ZDBF2: variants seen among roughly 807,000 people sequenced by gnomAD.
ZDBF2 encodes the protein zinc finger DBF-type containing 2, also known as DBF4-type zinc finger-containing protein 2.
Under a neutral mutation model 9.4 loss-of-function variants are expected in ZDBF2, and 6 were observed. The ratio of observed to expected loss-of-function variants is 0.64; its 90% CI spans 0.35 to 1.27. The LOEUF is 1.27. Ranked by LOEUF, ZDBF2 falls within the 50% of genes most tolerant of loss-of-function variation. The pLI, the probability that ZDBF2 is intolerant of heterozygous loss-of-function variation, is 0.03. For missense variants in ZDBF2, 2,697 were observed against 2,766.8 expected, an observed-to-expected ratio of 0.97 and a Z score of 0.57; for synonymous variants, 905 against 946.3, an observed-to-expected ratio of 0.96 and a Z score of 0.80.
rs561977833 is a variant in ZDBF2, at chr2:206,306,188, C to G, written c.1660C>G (p.Pro554Ala). 1.2e-6 allele frequency: 2 copies of G among 1,613,640 alleles called. No individual in the cohort carries two copies. Among genetic ancestry groups the G allele is most frequent in the East Asian group, 2.2e-5 (1 of 44,876 alleles). ...ACTGCAGTCAGTGGTTGACAGACCC[C>G]CAGTGGCTGTCACAGAAACAAAACT... ...FPLQSVVDRP[P>A]VAVTETKLRK... The change falls in exon 5 of 5, where the codon CCA becomes GCA. Residue 554 changes from proline (P) to alanine (A), a missense_variant. By Grantham distance (27) the Pro-to-Ala change is conservative. Transcript: ENST00000374423.
In ZDBF2 at chr2:206,310,899, ACT is replaced by A. The variant is rs759103346; in HGVS notation, c.6374_6375del (p.Ser2125PhefsTer14). ...TTTAATTCACATCAGGGAACCAGTGACTCTTCTCTGTTTCTGGAAGAATCAAA... is the reference window on the plus strand; with the variant it reads ...TTTAATTCACATCAGGGAACCAGTGACTTCTCTGTTTCTGGAAGAATCAAA... On this transcript the variant is annotated frameshift_variant, in exon 5 of 5. Transcript: ENST00000374423. LOFTEE classifies it low-confidence loss of function (END_TRUNC). 1 of 1,613,708 alleles carries A rather than the reference ACT, an allele frequency of 6.2e-7. No homozygotes were observed. Among genetic ancestry groups the A allele is most frequent in the South Asian group, 1.1e-5 (1 of 91,044 alleles).
At chr2:206,284,203 C>T (rs1020970414) in intron 3 of ZDBF2, among the ~76,000 whole-genome samples, 2 of 151,774 alleles carry the variant, frequency 1.3e-5, no homozygotes, top group Non-Finnish European at 2.9e-5. Context: ...AAAATTAAAT[C>T]TGTTTCATAG....
Position 206,305,288 on chromosome 2 carries a change from C to T in ZDBF2, c.760C>T (p.His254Tyr). The T allele has an allele frequency of 6.2e-7, 1 of 1,612,864 alleles. No individual in the cohort carries two copies. Among genetic ancestry groups the T allele is most frequent in the Non-Finnish European group, 8.5e-7 (1 of 1,179,482 alleles). ...AACTACTTCATTTTCGTATCAGAAA[C>T]ATAAAGAATCAAATAGGAAATCTTT... ...VETTSFSYQK[H>Y]KESNRKSLRM... The change falls in exon 5 of 5, where the codon CAT becomes TAT. Residue 254 changes from histidine (H) to tyrosine (Y), a missense_variant. Around this residue, in one of 3 missense-constraint regions of ZDBF2, gnomAD observed 910 missense variants for 973.6 expected, o/e 0.93. Coordinates refer to ENST00000374423, the MANE Select transcript of ZDBF2 (RefSeq NM_020923.3).
Position 206,310,329 on chromosome 2 carries a change from C to A in ZDBF2, c.5801C>A (p.Ala1934Asp), listed in dbSNP as rs1693092478. ...CCTCCTAAGCAAAAGGGGCGTGTGG[C>A]TTCTCAATGCCAGACAGCGAAAATC... ...ERPPKQKGRV[A>D]SQCQTAKISH... is the part of the protein sequence containing the mutation. Residue 1934 changes from alanine (A) to aspartate (D), a missense_variant, in exon 5 of 5, where the codon GCT becomes GAT. By Grantham distance (126) the Ala-to-Asp change is moderately radical. Transcript: ENST00000374423. The A allele has an allele frequency of 6.2e-7, 1 of 1,613,806 alleles. No individual in the cohort carries two copies.
chr2:206,289,433 G>T (rs1691771190), intron 3 of ZDBF2, among the ~76,000 whole-genome samples: 1 of 151,964 alleles, frequency 6.6e-6, no homozygotes, highest in Admixed American at 6.6e-5. Context: ...TACCACTTCA[G>T]CTCCAGCCTG....
At chr2:206,282,481 T>C (rs971375805) in intron 3 of ZDBF2, among the ~76,000 whole-genome samples, 6 of 152,146 alleles carry the variant, frequency 3.9e-5, no homozygotes, top group African/African-American at 1.4e-4. Flanking sequence ...CATGGGTATA[T>C]TGCATACCTG....
At chr2:206,282,207 G>T (rs953858799) in intron 3 of ZDBF2, among the ~76,000 whole-genome samples, 8 of 152,102 alleles carry the variant, frequency 5.3e-5, no homozygotes, top group African/African-American at 1.9e-4. Flanking sequence ...GGGTAGGGTG[G>T]CCAGGTAAGG....
In ZDBF2 at chr2:206,312,723, A is replaced by C. The variant is rs1375436469; in HGVS notation, c.*1130A>C. The C allele has an allele frequency of 6.6e-6, 1 of 152,148 alleles. No homozygotes were observed. The highest frequency in any genetic ancestry group is 2.4e-5 in the African/African-American group (1 of 41,426). 9.4% of individuals were successfully genotyped at this position (152,148 alleles called of 1,614,324 possible). A position where few individuals can be genotyped will look rare whatever the true frequency, so the allele number is the denominator to read the frequency against. ...GCCACCATGCCCAGCCTACCATATC[A>C]GTTTTTAATAACTTGAACTGAAATT... On this transcript the variant is annotated 3_prime_UTR_variant, in exon 5 of 5. Coordinates refer to ENST00000374423, the MANE Select transcript of ZDBF2 (RefSeq NM_020923.3).
Position 206,307,735 on chromosome 2 carries a change from G to A in ZDBF2, c.3207G>A (p.Lys1069=). 6.2e-7 allele frequency: 1 copy of A among 1,613,222 alleles called. No individual in the cohort carries two copies. The highest frequency in any genetic ancestry group is 8.5e-7 in the Non-Finnish European group (1 of 1,179,674). The change falls in exon 5 of 5, where the codon AAG becomes AAA. Residue 1069 remains lysine (K), a synonymous_variant. Coordinates refer to ENST00000374423, the MANE Select transcript of ZDBF2 (RefSeq NM_020923.3). ...TGAAGGAAAAACATGTTAATCTGAA[G>A]GACAAAAACAGTAAATCAGGTGATT... is the stretch of plus-strand genomic sequence containing the variant. ...AFLKEKHVNL[K]DKNSKSGDSK...
chr2:206,286,976 G>C (rs1691635992), intron 3 of ZDBF2, among the ~76,000 whole-genome samples: 1 of 152,158 alleles, frequency 6.6e-6, no homozygotes, highest in Non-Finnish European at 1.5e-5. Context: ...TGTTAGGTCT[G>C]ACATGGCCTA....
intron 2 of ZDBF2, among the ~76,000 whole-genome samples, chr2:206,281,090 G>A (rs1180036602): frequency 1.3e-5 from 2 of 152,102 alleles, no homozygotes; most frequent in African/African-American, 4.8e-5. Context: ...AAAATTTTGG[G>A]TATTCAGCCT....
chr2:206,311,819 A>G lies in ZDBF2; in HGVS notation c.*226A>G, dbSNP rs1693208150. 3.0e-6 allele frequency: 1 copy of G among 334,296 alleles called. No individual in the cohort carries two copies. Among genetic ancestry groups the G allele is most frequent in the Non-Finnish European group, 5.2e-6 (1 of 193,896 alleles). 20.7% of individuals were successfully genotyped at this position (334,296 alleles called of 1,614,324 possible). On this transcript the variant is annotated 3_prime_UTR_variant, in exon 5 of 5. Coordinates refer to ENST00000374423, the MANE Select transcript of ZDBF2 (RefSeq NM_020923.3). The stretch of plus-strand genomic sequence containing the variant: ...TTTGTCCAACATTTTCTGTAGAAGA[A>G]CTTCATCTTAATTTATGTCACAAAA...
At chr2:206,283,757 G>A (rs1195753375) in intron 3 of ZDBF2, among the ~76,000 whole-genome samples, 3 of 152,034 alleles carry the variant, frequency 2.0e-5, no homozygotes, top group Middle Eastern at 3.2e-3. Context: ...TCTGCCTCCT[G>A]GGCTCAAGCA....
In ZDBF2 at chr2:206,308,312, A is replaced by G; in HGVS notation, c.3784A>G (p.Lys1262Glu). The part of the protein sequence containing the change: ...PVAGQPEEVV[K>E]EVSLWKEHVD... Reference sequence around the variant, plus strand: ...GGCTGGCCAACCTGAAGAAGTAGTTAAGGAGGTCAGTCTTTGGAAAGAGCA... The same window carrying G: ...GGCTGGCCAACCTGAAGAAGTAGTTGAGGAGGTCAGTCTTTGGAAAGAGCA... Residue 1262 changes from lysine to glutamate, a missense_variant, in exon 5 of 5, where the codon AAG becomes GAG. Lys to Glu is a moderately conservative substitution (Grantham distance 56). This residue lies in a region of ZDBF2 where 1,783 missense variants were observed against 1,776.5 expected (regional missense o/e 1.00). Coordinates refer to ENST00000374423, the MANE Select transcript of ZDBF2 (RefSeq NM_020923.3). 1 of 1,613,910 alleles carries G rather than the reference A, an allele frequency of 6.2e-7. No individual in the cohort carries two copies. The highest frequency in any genetic ancestry group is 8.5e-7 in the Non-Finnish European group (1 of 1,179,850).
chr2:206,277,578 G>A (rs1691085405), intron 1 of ZDBF2, among the ~76,000 whole-genome samples: 1 of 151,936 alleles, frequency 6.6e-6, no homozygotes, highest in South Asian at 2.1e-4. Flanking sequence ...TGACATTGGG[G>A]AAAAATGTTT....
In ZDBF2 at chr2:206,306,377, C is replaced by G; in HGVS notation, c.1849C>G (p.Arg617Gly). Residue 617 changes from arginine (R) to glycine (G), a missense_variant, in exon 5 of 5, where the codon CGT becomes GGT. Transcript: ENST00000374423. ...ACAAGTCCACCTAAAACATAAGAAG[C>G]GTAAACCCAGTAGTGCTAAAGCACA... ...GRQVHLKHKK[R>G]KPSSAKAHLD... 4 of 1,613,762 alleles carry G rather than the reference C, an allele frequency of 2.5e-6. No individual in the cohort carries two copies. Among genetic ancestry groups the G allele is most frequent in the Non-Finnish European group, 3.4e-6 (4 of 1,179,800 alleles).
chr2:206,280,399 A>G (rs925666743), intron 2 of ZDBF2, among the ~76,000 whole-genome samples: 3 of 152,234 alleles, frequency 2.0e-5, no homozygotes, highest in African/African-American at 4.8e-5. Flanking sequence ...CCTTTATTCA[A>G]TGAATGTTTT....
At position 206,314,339 on chromosome 2, in the gene ZDBF2, A is replaced by T. The variant is rs976176221; in HGVS notation, c.*2746A>T. Reference sequence around the variant, plus strand: ...AATTATATATTTCCATGTAAAACTAATGTGAAGACTAATGTATTTTTTATA... The same window carrying T: ...AATTATATATTTCCATGTAAAACTATTGTGAAGACTAATGTATTTTTTATA... On this transcript the variant is annotated 3_prime_UTR_variant, in exon 5 of 5. Transcript: ENST00000374423. 5.9e-5 allele frequency: 9 copies of T among 151,508 alleles called. No individual in the cohort carries two copies. Among genetic ancestry groups the T allele is most frequent in the Non-Finnish European group, 1.2e-4 (8 of 67,934 alleles). 9.4% of individuals were successfully genotyped at this position (151,508 alleles called of 1,614,324 possible).
rs190634250 is a variant in ZDBF2 at position 206,288,198 on chromosome 2, G to A, written c.60+6289G>A. Among the ~76,000 whole-genome samples, 182 of 152,266 alleles carry A rather than the reference G, an allele frequency of 1.2e-3. 1 individual carries two copies. Among genetic ancestry groups the A allele is most frequent in the African/African-American group, 4.1e-3 (170 of 41,560 alleles). On this transcript the variant is annotated intron_variant, in intron 3 of 4. Transcript: ENST00000374423. Reference sequence around the variant, plus strand: ...TTACTTCTTCCATACTTTCTGGAGTGGCTTTCATATTGAATAACTTTTATA... The same window carrying A: ...TTACTTCTTCCATACTTTCTGGAGTAGCTTTCATATTGAATAACTTTTATA...
Sources: gnomAD v4.1 joint callset for allele counts (sites outside exome capture counted in the v4.1 genomes callset) on GRCh38, gnomAD v4.1.1 for gene constraint, gnomAD v4.1.1 regional missense constraint, MANE v1.5 for transcripts, NCBI Gene and HGNC (gene_info 2026-07-23, HGNC 2026-07-21) for gene names.